The following PCDH15 variants were observed in gnomAD, a reference collection of about 807,000 sequenced individuals.
PCDH15 encodes protocadherin-15.
PCDH15 carries 129 observed loss-of-function variants against 178.5 expected under a neutral mutation model. The observed-to-expected ratio is 0.72, with a 90% CI of 0.63 to 0.84. The LOEUF (loss-of-function observed/expected upper bound fraction) is 0.84, where lower values mean the gene tolerates loss of function less well. PCDH15 is among the 40% of genes least tolerant of loss of function. The pLI is 0.00. For missense variants in PCDH15, 2,230 were observed against 2,099.9 expected (o/e 1.06, Z -1.21); for synonymous variants, 800 against 732.0 (o/e 1.09, Z -1.50).
intron 1 of PCDH15, among the ~76,000 whole-genome samples, chr10:54,695,343 A>G (rs887231320): frequency 8.5e-5 from 13 of 152,148 alleles, no homozygotes; most frequent in Non-Finnish European, 1.9e-4. Flanking sequence ...AACTCTCTTA[A>G]ATTCTGTGAA....
chr10:55,163,927 C>A (rs1839126255), intron 2 of PCDH15, among the ~76,000 whole-genome samples: 1 of 152,128 alleles, frequency 6.6e-6, no homozygotes, highest in South Asian at 2.1e-4. Context: ...GCAGCTCATG[C>A]CACTGCTCTG....
intron 19 of PCDH15, among the ~76,000 whole-genome samples, chr10:54,022,646 A>T (rs923882758): frequency 6.6e-6 from 1 of 152,172 alleles, no homozygotes; most frequent in Non-Finnish European, 1.5e-5. Flanking sequence ...ACTATTAAAA[A>T]GTATATTTTT....
chr10:53,832,684 A>T (rs2077082078), intron 29 of PCDH15, among the ~76,000 whole-genome samples: 1 of 152,044 alleles, frequency 6.6e-6, no homozygotes, highest in African/African-American at 2.4e-5. Context: ...CAAAAGAAAA[A>T]ATTAAAATGG....
At chr10:54,976,765 C>A (rs1006873538) in intron 2 of PCDH15, among the ~76,000 whole-genome samples, 4 of 152,154 alleles carry the variant, frequency 2.6e-5, no homozygotes, top group Admixed American at 6.6e-5. Context: ...AGATTCCTTG[C>A]ATAATTCTAA....
At chr10:55,140,795 A>G (rs7070871) in intron 2 of PCDH15, among the ~76,000 whole-genome samples, 146,695 of 152,082 alleles carry the variant, frequency 0.96, 70,936 homozygotes, top group Non-Finnish European at 1. Flanking sequence ...GGCTATGAAA[A>G]TATTGCTTTT....
intron 1 of PCDH15, among the ~76,000 whole-genome samples, chr10:54,667,067 A>T (rs1341396656): frequency 6.6e-6 from 1 of 152,066 alleles, no homozygotes; most frequent in Non-Finnish European, 1.5e-5. Context: ...CAAAACTCAT[A>T]AAAAATCTAT....
intron 1 of PCDH15, among the ~76,000 whole-genome samples, chr10:55,198,808 T>C (rs1302150351): frequency 6.6e-6 from 1 of 151,984 alleles, no homozygotes; most frequent in Admixed American, 6.6e-5. Flanking sequence ...AAAAGTACTG[T>C]GTAGTGCTTC....
chr10:54,122,718 T>G (rs1474756160), intron 15 of PCDH15, among the ~76,000 whole-genome samples: 1 of 152,034 alleles, frequency 6.6e-6, no homozygotes, highest in African/African-American at 2.4e-5. Flanking sequence ...ATACAATCAA[T>G]GAACAAAAAT....
At chr10:54,628,620 G>A (rs77017426) in intron 2 of PCDH15, among the ~76,000 whole-genome samples, 67 of 152,148 alleles carry the variant, frequency 4.4e-4, no homozygotes, top group African/African-American at 1.5e-3. Context: ...ATTATTATAC[G>A]TGATTAATTA....
intron 3 of PCDH15, among the ~76,000 whole-genome samples, chr10:54,843,477 A>C (rs991944528): frequency 6.6e-6 from 1 of 151,996 alleles, no homozygotes; most frequent in Non-Finnish European, 1.5e-5. Flanking sequence ...ACAGGCTGAC[A>C]CTTGATCTTT....
At chr10:54,946,103 A>G (rs1039748936) in intron 2 of PCDH15, among the ~76,000 whole-genome samples, 1 of 151,854 alleles carries the variant, frequency 6.6e-6, no homozygotes, top group African/African-American at 2.4e-5. Context: ...TATTTTGGTC[A>G]GATTAGAATT....
chr10:54,923,357 C>T lies in PCDH15; in HGVS notation c.-79-25857G>A, dbSNP rs184109402. Among the ~76,000 whole-genome samples the T allele has an allele frequency of 1.4e-4, 20 of 138,726 alleles. 3 individuals carry two copies. The highest frequency in any genetic ancestry group is 1.1e-3 in the Admixed American group (15 of 14,212). 91.0% of individuals were successfully genotyped at this position (138,726 alleles called of 152,430 possible). On this transcript the variant is annotated intron_variant, in intron 2 of 5. Coordinates refer to the PCDH15 transcript ENST00000458638. ...TCTGAAACACCATTGAAACATTTTC[C>T]CTATTGTTTGGCTATTAACTTTTGG...
chr10:54,161,020 T>C (rs1211833931), intron 13 of PCDH15, among the ~76,000 whole-genome samples: 1 of 152,182 alleles, frequency 6.6e-6, no homozygotes. Flanking sequence ...AAGATATCTA[T>C]ATATAACAAA....
chr10:55,039,000 G>C (rs1014384351), intron 2 of PCDH15, among the ~76,000 whole-genome samples: 37 of 151,934 alleles, frequency 2.4e-4, no homozygotes, highest in African/African-American at 8.9e-4. Context: ...TTTCTTACAG[G>C]TGCGGTTCTA....
rs1840956422 is a variant in PCDH15 at position 53,802,944 on chromosome 10, T to C, written c.*3635A>G. 2 of 151,896 alleles carry C rather than the reference T, an allele frequency of 1.3e-5. No individual in the cohort carries two copies. The highest frequency in any genetic ancestry group is 6.6e-5 in the Admixed American group (1 of 15,220). The allele number at this position is 151,896 out of a possible 1,614,324, so 9.4% of individuals were successfully genotyped here. A position where few individuals can be genotyped will look rare whatever the true frequency, so the allele number is the denominator to read the frequency against. On this transcript the variant is annotated 3_prime_UTR_variant, in exon 38 of 38. Coordinates refer to ENST00000644397, the MANE Select transcript of PCDH15 (RefSeq NM_001384140.1). ...AGGTGTTGATAGATTTTTCAAACTA[T>C]AGACAATGTTCGAATCTTCCATACA...
chr10:55,166,668 T>C (rs894824287), intron 1 of PCDH15: 4 of 152,234 alleles, frequency 2.6e-5, no homozygotes, highest in African/African-American at 9.6e-5. Context: ...AATAGAGTTA[T>C]TGATCAATAC....
chr10:55,474,482 C>T (rs879325673), intron 2 of PCDH15, among the ~76,000 whole-genome samples: 2 of 152,150 alleles, frequency 1.3e-5, no homozygotes, highest in Admixed American at 1.3e-4. Flanking sequence ...GATGAGTTTT[C>T]CTGAGTTAGC....
At chr10:54,447,069 C>T (rs145939837) in intron 3 of PCDH15, among the ~76,000 whole-genome samples, 1 of 151,720 alleles carries the variant, frequency 6.6e-6, no homozygotes, top group East Asian at 1.9e-4. Flanking sequence ...ATTGTTAAGA[C>T]ATATCTGACA....
chr10:54,816,917 CA>C (rs773766718), intron 3 of PCDH15, among the ~76,000 whole-genome samples: 38 of 152,066 alleles, frequency 2.5e-4, no homozygotes, highest in Non-Finnish European at 4.9e-4. Context: ...CTTCAGTGCC[CA>C]CTCCAGAAAA....
Sources: allele counts gnomAD v4.1 joint callset (sites outside exome capture counted in the v4.1 genomes callset), GRCh38; gene constraint gnomAD v4.1.1; transcripts MANE v1.5; gene names NCBI Gene and HGNC (gene_info 2026-07-23, HGNC 2026-07-21).